The following GABRA3 variants were observed in gnomAD, a reference collection of about 807,000 sequenced individuals.
GABRA3 encodes the protein gamma-aminobutyric acid receptor subunit alpha-3.
In GABRA3, 10 loss-of-function variants were observed where a neutral mutation model predicts 30.1. The observed-to-expected ratio is 0.33, with a 90% confidence interval of 0.20 to 0.56. The LOEUF (loss-of-function observed/expected upper bound fraction) is 0.56. Ranked by LOEUF, GABRA3 falls within the 20% of genes least tolerant of loss-of-function variation. The pLI is 0.89. For synonymous variants in GABRA3, 151 were observed against 146.8 expected (o/e 1.03, Z -0.21); for missense variants, 233 against 392.0 (o/e 0.59, Z 3.42).
intron 1 of GABRA3, among the ~76,000 whole-genome samples, chrX:152,412,221 A>G (rs182193359): frequency 9.8e-5 from 11 of 112,163 alleles, no homozygotes; most frequent in Non-Finnish European, 1.1e-4. Flanking sequence ...ATTGCTGATG[A>G]GAATGCAAAT....
chrX:152,361,091 TA>T (rs760348032), intron 2 of GABRA3, among the ~76,000 whole-genome samples: 8,420 of 85,294 alleles, frequency 0.099, 591 homozygotes, highest in African/African-American at 0.23. Flanking sequence ...ACCACGTCTT[TA>T]AAAAAAAAAA....
chrX:152,360,746 A>C, intron 2 of GABRA3, among the ~76,000 whole-genome samples: 1 of 80,342 alleles, frequency 1.2e-5, no homozygotes, highest in East Asian at 3.5e-4. Context: ...AATTAAAAAA[A>C]AAAATAAATT....
intron 1 of GABRA3, chrX:152,393,303 T>C (rs1417218368): frequency 1.9e-5 from 5 of 267,193 alleles, no homozygotes; most frequent in Non-Finnish European, 3.5e-5. Flanking sequence ...TCTGTCTTTT[T>C]GGAACAGATA....
At chrX:152,269,883 G>T (rs1340032657) in intron 4 of GABRA3, among the ~76,000 whole-genome samples, 3 of 112,049 alleles carry the variant, frequency 2.7e-5, no homozygotes, top group Non-Finnish European at 5.6e-5. Flanking sequence ...TTAAAATTAT[G>T]AAACTACTGG....
chrX:152,348,466 A>G (rs1246752015), intron 2 of GABRA3, among the ~76,000 whole-genome samples: 3 of 111,853 alleles, frequency 2.7e-5, no homozygotes, highest in African/African-American at 9.7e-5. Flanking sequence ...GAAAAATGAA[A>G]ATGACGTTAC....
At chrX:152,297,368 T>A (rs1023317417) in intron 3 of GABRA3, among the ~76,000 whole-genome samples, 1 of 112,220 alleles carries the variant, frequency 8.9e-6, no homozygotes, top group Non-Finnish European at 1.9e-5. Context: ...CATTCCACTT[T>A]CTTCATCTTT....
At chrX:152,320,411 T>A (rs1337678740) in intron 3 of GABRA3, among the ~76,000 whole-genome samples, 8 of 111,967 alleles carry the variant, frequency 7.1e-5, no homozygotes. Context: ...AACAAATTAA[T>A]GGCATTCTCA....
Position 152,244,141 on chromosome X carries a change from A to G in GABRA3, c.551+11637T>C, listed in dbSNP as rs756463719. The stretch of plus-strand genomic sequence containing the variant: ...ATATTAAGGATATTTTTGCTGGTAC[A>G]TATGTCTTGTCTCCTGAACTAGATT... On this transcript the variant is annotated intron_variant, in intron 5 of 9. Transcript: ENST00000370314. Among the ~76,000 whole-genome samples, 3 of 112,047 alleles carry G rather than the reference A, an allele frequency of 2.7e-5. No homozygotes were observed. The East Asian group carries it at 8.4e-4, about 32-fold the overall frequency.
chrX:152,323,871 A>G (rs1041367330), intron 3 of GABRA3, among the ~76,000 whole-genome samples: 1 of 112,038 alleles, frequency 8.9e-6, no homozygotes, highest in African/African-American at 3.2e-5. Context: ...TAAGAGACCA[A>G]GGATACGTTT....
At chrX:152,240,901 T>G (rs1938348989) in intron 5 of GABRA3, among the ~76,000 whole-genome samples, 1 of 89,376 alleles carries the variant, frequency 1.1e-5, no homozygotes, top group African/African-American at 4.5e-5. Context: ...TTCTTCTAAA[T>G]TTTTTTCAAA....
chrX:152,293,029 T>G (rs1939451195), intron 3 of GABRA3, among the ~76,000 whole-genome samples: 1 of 111,432 alleles, frequency 9.0e-6, no homozygotes, highest in Non-Finnish European at 1.9e-5. Context: ...TATATTCTGT[T>G]GATTTGGGGT....
Position 152,360,052 on chromosome X carries a change from A to C in GABRA3, c.140+4379T>G, listed in dbSNP as rs757137569. On this transcript the variant is annotated intron_variant, in intron 2 of 9. Transcript: ENST00000370314. ...TGGTGTATATGTGCCACATTTTCTT[A>C]ATCCAGTCTATCATTGTTGGACATT... 4.8e-3 allele frequency among the ~76,000 whole-genome samples: 466 copies of C among 96,814 alleles called. 1 individual carries two copies. The highest frequency in any genetic ancestry group is 7.6e-3 in the Non-Finnish European group (370 of 48,440). The allele number at this position is 96,814 out of a possible 115,157, so 84.1% of individuals were successfully genotyped here.
rs191705740 is a variant in GABRA3, at chrX:152,406,695, G to A, written c.-26-42099C>T. On this transcript the variant is annotated intron_variant, in intron 1 of 9. Coordinates refer to ENST00000370314, the MANE Select transcript of GABRA3 (RefSeq NM_000808.4). ...TCCCACTTTCAGCAATGAACAGATC[G>A]TCCAGACAGAAAATCAAGAAAGAAA... Among the ~76,000 whole-genome samples, 576 of 108,975 alleles carry A rather than the reference G, an allele frequency of 5.3e-3. 2 individuals carry two copies. The highest frequency in any genetic ancestry group is 8.7e-3 in the Non-Finnish European group (458 of 52,395). The allele number at this position is 108,975 out of a possible 115,157, so 94.6% of individuals were successfully genotyped here. A position where few individuals can be genotyped will look rare whatever the true frequency, so the allele number is the denominator to read the frequency against.
intron 7 of GABRA3, among the ~76,000 whole-genome samples, chrX:152,203,400 T>TA (rs1937507493): frequency 8.9e-6 from 1 of 112,315 alleles, no homozygotes; most frequent in South Asian, 3.7e-4. Flanking sequence ...GTCATAGTAA[T>TA]ACAAATGTCC....
chrX:152,212,100 T>C (rs1315377387), intron 6 of GABRA3, among the ~76,000 whole-genome samples: 1 of 103,872 alleles, frequency 9.6e-6, no homozygotes, highest in Non-Finnish European at 1.9e-5. Context: ...CTGGGCAACA[T>C]AGAAGGAAAC....
At chrX:152,409,623 G>C (rs777523884) in intron 1 of GABRA3, among the ~76,000 whole-genome samples, 1 of 111,412 alleles carries the variant, frequency 9.0e-6, no homozygotes, top group South Asian at 3.8e-4. Flanking sequence ...CATGTGAAAA[G>C]AGATTAATAA....
chrX:152,394,157 T>C (rs768444971), intron 1 of GABRA3, among the ~76,000 whole-genome samples: 55 of 111,651 alleles, frequency 4.9e-4, no homozygotes, highest in Non-Finnish European at 9.0e-4. Context: ...TTTTTGTCAT[T>C]TTGCAGGAAA....
At position 152,253,527 on chromosome X, in the gene GABRA3, G is replaced by A. The variant is rs150462568; in HGVS notation, c.551+2251C>T. Among the ~76,000 whole-genome samples, 912 of 111,531 alleles carry A rather than the reference G, an allele frequency of 8.2e-3. 14 individuals are homozygous for A. Among genetic ancestry groups the A allele is most frequent in the African/African-American group, 0.028 (863 of 30,752 alleles). ...CACAACTCCTCCTCTCTGTCATTCT[G>A]AAGTTTTCTATATTTACTGCCGATT... On this transcript the variant is annotated intron_variant, in intron 5 of 9. Transcript: ENST00000370314.
intron 6 of GABRA3, among the ~76,000 whole-genome samples, chrX:152,213,065 G>A (rs1337319372): frequency 1.8e-5 from 2 of 111,541 alleles, no homozygotes; most frequent in Non-Finnish European, 3.8e-5. Context: ...TATTTCATGA[G>A]CTATAATGGC....
Sources: allele counts gnomAD v4.1 joint callset (sites outside exome capture counted in the v4.1 genomes callset), GRCh38; gene constraint gnomAD v4.1.1; transcripts MANE v1.5; gene names NCBI Gene and HGNC (gene_info 2026-07-23, HGNC 2026-07-21).